RANBP17: variants seen among roughly 807,000 people sequenced by gnomAD.
The protein encoded by RANBP17 is ran-binding protein 17.
Under a neutral mutation model 141.2 loss-of-function variants are expected in RANBP17, and 158 were observed. That is an observed-to-expected ratio of 1.12 (90% CI 0.98 to 1.28). RANBP17 has a LOEUF of 1.28. Ranked by LOEUF, RANBP17 falls within the 50% of genes most tolerant of loss-of-function variation. RANBP17 has a pLI of 0.00. For missense variants in RANBP17, 1,438 were observed against 1,290.7 expected (o/e 1.11, Z -1.75); for synonymous variants, 430 against 450.0 (o/e 0.96, Z 0.56).
chr5:171,029,393 T>C (rs1478824683), intron 14 of RANBP17, among the ~76,000 whole-genome samples: 2 of 152,152 alleles, frequency 1.3e-5, no homozygotes, highest in Admixed American at 1.3e-4. Context: ...GCCTAGAATA[T>C]ATGATCTTAT....
At chr5:171,124,686 G>T (rs538300522) in intron 14 of RANBP17, among the ~76,000 whole-genome samples, 1 of 152,176 alleles carries the variant, frequency 6.6e-6, no homozygotes, top group South Asian at 2.1e-4. Context: ...GAAAACACAT[G>T]AAAGTATAAA....
At chr5:171,235,443 C>T (rs1226727924) in intron 22 of RANBP17, among the ~76,000 whole-genome samples, 1 of 151,480 alleles carries the variant, frequency 6.6e-6, no homozygotes, top group African/African-American at 2.4e-5. Flanking sequence ...ATTGTTGGTG[C>T]CTTGTCTTTA....
intron 14 of RANBP17, among the ~76,000 whole-genome samples, chr5:171,001,879 A>G (rs1779222749): frequency 1.3e-5 from 2 of 152,126 alleles, no homozygotes; most frequent in Non-Finnish European, 2.9e-5. Context: ...CTCAGACCCT[A>G]TGGGAAAGGC....
chr5:171,160,296 C>T (rs1182890179), intron 14 of RANBP17, among the ~76,000 whole-genome samples: 1 of 152,216 alleles, frequency 6.6e-6, no homozygotes, highest in South Asian at 2.1e-4. Context: ...CATTAAGACC[C>T]TCTCCCCTCT....
chr5:171,007,504 A>G (rs1292191571), intron 14 of RANBP17, among the ~76,000 whole-genome samples: 1 of 152,050 alleles, frequency 6.6e-6, no homozygotes, highest in Non-Finnish European at 1.5e-5. Flanking sequence ...GTAGAAAAGG[A>G]AGATTCACAA....
intron 12 of RANBP17, among the ~76,000 whole-genome samples, chr5:170,942,203 C>T (rs1000019760): frequency 1.3e-5 from 2 of 152,086 alleles, no homozygotes; most frequent in East Asian, 3.9e-4. Flanking sequence ...AAACCATCAC[C>T]TCCCCTTCCT....
At chr5:170,980,767 G>A (rs547597109) in intron 14 of RANBP17, among the ~76,000 whole-genome samples, 16 of 152,326 alleles carry the variant, frequency 1.1e-4, no homozygotes, top group South Asian at 8.3e-4. Context: ...AAGGCAGTGC[G>A]GAAGGGAAAT....
At chr5:171,013,695 A>T (rs1013940401) in intron 14 of RANBP17, among the ~76,000 whole-genome samples, 1 of 152,010 alleles carries the variant, frequency 6.6e-6, no homozygotes, top group African/African-American at 2.4e-5. Context: ...ATAGTGTTTA[A>T]ACCTCCAAAT....
At chr5:171,012,770 C>T (rs1204185682) in intron 14 of RANBP17, among the ~76,000 whole-genome samples, 1 of 152,076 alleles carries the variant, frequency 6.6e-6, no homozygotes, top group Non-Finnish European at 1.5e-5. Context: ...TACTTTCTAA[C>T]TTGGACTTTT....
intron 24 of RANBP17, chr5:171,252,292 G>A (rs747971353): frequency 1.2e-4 from 188 of 1,551,448 alleles, no homozygotes; most frequent in Admixed American, 1.9e-4. Context: ...TATTAATAAT[G>A]AAAATAATAA....
At chr5:171,207,407 G>A (rs1762640127) in intron 20 of RANBP17, 1 of 152,142 alleles carries the variant, frequency 6.6e-6, no homozygotes, top group South Asian at 2.1e-4. Context: ...ATACTGTATT[G>A]TTTTCCATTT....
chr5:171,066,190 T>G (rs1448813611), intron 14 of RANBP17, among the ~76,000 whole-genome samples: 1 of 152,150 alleles, frequency 6.6e-6, no homozygotes, highest in African/African-American at 2.4e-5. Context: ...CAGTTTGAAA[T>G]AAAACTAAAT....
At chr5:170,909,932 T>A in intron 6 of RANBP17, 167 bp downstream of exon 6, 1 of 474,738 alleles carries the variant, frequency 2.1e-6, no homozygotes, top group South Asian at 3.5e-5. Context: ...TTCCAAAAAA[T>A]TCACTTTTAC....
intron 9 of RANBP17, among the ~76,000 whole-genome samples, chr5:170,917,173 T>C (rs528234387): frequency 1.2e-4 from 19 of 152,374 alleles, no homozygotes; most frequent in African/African-American, 3.6e-4. Flanking sequence ...TACATTTCTT[T>C]GCTTGCTCTT....
chr5:171,149,061 T>C (rs1017214237), intron 14 of RANBP17, among the ~76,000 whole-genome samples: 1 of 152,196 alleles, frequency 6.6e-6, no homozygotes, highest in Non-Finnish European at 1.5e-5. Context: ...AACCTAACCA[T>C]AGGTTCTGTA....
intron 2 of RANBP17, 128 bp downstream of exon 2, chr5:170,878,371 T>A: frequency 1.3e-6 from 1 of 754,016 alleles, no homozygotes; most frequent in Non-Finnish European, 2.0e-6. Flanking sequence ...TGTGAAACTA[T>A]AGTTTCACTG....
chr5:171,269,836 G>A (rs1461870832), intron 25 of RANBP17, among the ~76,000 whole-genome samples: 1 of 152,184 alleles, frequency 6.6e-6, no homozygotes, highest in Non-Finnish European at 1.5e-5. Flanking sequence ...CTATTAAAAG[G>A]AATGGATTAC....
intron 24 of RANBP17, among the ~76,000 whole-genome samples, chr5:171,256,934 A>C (rs1486272773): frequency 6.6e-6 from 1 of 152,146 alleles, no homozygotes; most frequent in Non-Finnish European, 1.5e-5. Context: ...AAATCCCAGC[A>C]AAAAAACTCA....
intron 27 of RANBP17, 46 bp from the exon 28 acceptor site, chr5:171,298,716 G>C (rs1274885771): frequency 6.8e-7 from 1 of 1,475,914 alleles, no homozygotes. Context: ...ATTCATGGAG[G>C]CTTTGCCTCA....
Sources: allele counts gnomAD v4.1 joint callset (sites outside exome capture counted in the v4.1 genomes callset), GRCh38; gene constraint gnomAD v4.1.1; transcripts MANE v1.5; gene names NCBI Gene and HGNC (gene_info 2026-07-23, HGNC 2026-07-21).